The following APP variants were observed in gnomAD, a reference collection of about 807,000 sequenced individuals.
APP encodes the protein amyloid-beta precursor protein.
A neutral mutation model predicts 101.4 loss-of-function variants in APP; 31 were observed. That is an observed-to-expected ratio of 0.31 (90% CI 0.23 to 0.41). The LOEUF (loss-of-function observed/expected upper bound fraction) is 0.41. Among genes scored for constraint, APP ranks in the 10% least tolerant of loss-of-function variants. APP has a pLI of 1.00. For synonymous variants in APP, 366 were observed against 364.4 expected (o/e 1.00, Z -0.05); for missense variants, 839 against 1,003.7 (o/e 0.84, Z 2.22).
chr21:25,951,695 T>A (rs1361352757), intron 13 of APP, among the ~76,000 whole-genome samples: 1 of 152,034 alleles, frequency 6.6e-6, no homozygotes, highest in African/African-American at 2.4e-5. Flanking sequence ...GGAAAAAAAA[T>A]CTATGAAGAA....
intron 3 of APP, among the ~76,000 whole-genome samples, chr21:26,071,559 T>A (rs914273445): frequency 6.6e-6 from 1 of 152,182 alleles, no homozygotes; most frequent in Non-Finnish European, 1.5e-5. Flanking sequence ...TTAGAGGGGG[T>A]TAACCCTTAT....
At chr21:26,002,253 G>A (rs963921031) in intron 6 of APP, among the ~76,000 whole-genome samples, 1 of 152,232 alleles carries the variant, frequency 6.6e-6, no homozygotes, top group Admixed American at 6.5e-5. Context: ...GCTTAGTGCT[G>A]ACTGTCCCTC....
chr21:26,073,367 C>A (rs1008337257), intron 3 of APP, among the ~76,000 whole-genome samples: 3 of 152,078 alleles, frequency 2.0e-5, no homozygotes, highest in African/African-American at 7.2e-5. Context: ...AGAATGCACC[C>A]ATCAACCGAT....
intron 2 of APP, among the ~76,000 whole-genome samples, chr21:26,094,074 C>T (rs540735379): frequency 2.6e-5 from 4 of 151,120 alleles, no homozygotes; most frequent in Non-Finnish European, 5.9e-5. Context: ...TGAGATCACA[C>T]CACTGCACTC....
intron 1 of APP, among the ~76,000 whole-genome samples, chr21:26,125,500 G>A (rs949666844): frequency 1.3e-5 from 2 of 152,176 alleles, no homozygotes; most frequent in Non-Finnish European, 2.9e-5. Flanking sequence ...AGCACCAGGA[G>A]TAACAGGAGG....
rs370024321 is a variant in APP at position 25,946,858 on chromosome 21, G to A, written c.1687+7732C>T. On this transcript the variant is annotated intron_variant, in intron 13 of 17. Transcript: ENST00000346798. ...TTTAATTCCTCAAATTTCTGCCAGCGTCCATTTGGAGCACAATAAACAAGA... is the reference window on the plus strand; with the variant it reads ...TTTAATTCCTCAAATTTCTGCCAGCATCCATTTGGAGCACAATAAACAAGA... Among the ~76,000 whole-genome samples, 4 of 152,128 alleles carry A rather than the reference G, an allele frequency of 2.6e-5. No homozygotes were observed. In the East Asian group the frequency reaches 5.8e-4, roughly 22 times the overall value.
At chr21:26,031,073 G>A (rs1211501025) in intron 5 of APP, among the ~76,000 whole-genome samples, 1 of 152,160 alleles carries the variant, frequency 6.6e-6, no homozygotes, top group Non-Finnish European at 1.5e-5. Flanking sequence ...GCAAAGCTAG[G>A]GGTGGGCTGG....
At chr21:26,053,676 G>T (rs2045926596) in intron 3 of APP, among the ~76,000 whole-genome samples, 1 of 152,164 alleles carries the variant, frequency 6.6e-6, no homozygotes, top group African/African-American at 2.4e-5. Flanking sequence ...TACAACAGGG[G>T]AGTAAAATAT....
intron 1 of APP, among the ~76,000 whole-genome samples, chr21:26,129,742 C>T (rs1250028879): frequency 1.3e-5 from 2 of 152,088 alleles, no homozygotes; most frequent in African/African-American, 4.8e-5. Context: ...AGCCCACACC[C>T]GAGGGGAGAA....
rs201724975 is a variant in APP at position 25,891,863 on chromosome 21, G to T, written c.2070C>A (p.Phe690Leu). The T allele has an allele frequency of 1.9e-6, 3 of 1,613,666 alleles. No individual in the cohort carries two copies. The highest frequency in any genetic ancestry group is 2.5e-6 in the Non-Finnish European group (3 of 1,179,820). ...TGTTTGAACCCACATCTTCTGCAAA[G>T]AACACCTTGAAAACAAATTAAGAAA... is the stretch of plus-strand genomic sequence containing the variant. The part of the protein sequence containing the change: ...GYEVHHQKLV[F>L]FAEDVGSNKG... Residue 690 changes from phenylalanine (F) to leucine (L), a missense_variant, in exon 17 of 18, where the codon TTC (phenylalanine) becomes TTA (leucine). Phe to Leu is a conservative substitution (Grantham distance 22). Transcript: ENST00000346798.
At chr21:26,136,265 C>T (rs185208108) in intron 1 of APP, among the ~76,000 whole-genome samples, 6 of 152,144 alleles carry the variant, frequency 3.9e-5, no homozygotes, top group African/African-American at 7.2e-5. Flanking sequence ...TCACTCTGCA[C>T]GCCACTGCCT....
rs199981217 is a variant in APP, at chr21:25,997,326, C to A, written c.1090+34G>T. Reference sequence around the variant, plus strand: ...TGTGAACCAAGCAGCATCCTCCTCCCCTCTTCCCTTCCCTCAGGTGAATGA... The same window carrying A: ...TGTGAACCAAGCAGCATCCTCCTCCACTCTTCCCTTCCCTCAGGTGAATGA... On this transcript the variant is annotated intron_variant, in intron 8 of 17. Coordinates refer to ENST00000346798, the MANE Select transcript of APP (RefSeq NM_000484.4). 111 of 1,600,114 alleles carry A rather than the reference C, an allele frequency of 6.9e-5. No homozygotes were observed. In the South Asian group the frequency reaches 1.1e-3, roughly 15 times the overall value.
Position 25,918,745 on chromosome 21 carries a change from C to T in APP, c.1688-6783G>A, listed in dbSNP as rs1020898601. On this transcript the variant is annotated intron_variant, in intron 13 of 17. Transcript: ENST00000346798. ...GGAGGGTCCTACGCCCACGGAATCG[C>T]GCTGATTGCTAGCACAGCAGTCTGA... is the stretch of plus-strand genomic sequence containing the variant. 7.9e-5 allele frequency among the ~76,000 whole-genome samples: 12 copies of T among 151,230 alleles called. No individual in the cohort carries two copies. In the South Asian group the frequency reaches 1.5e-3, roughly 19 times the overall value.
chr21:26,130,641 T>C (rs1334254851), intron 1 of APP, among the ~76,000 whole-genome samples: 2 of 152,256 alleles, frequency 1.3e-5, no homozygotes, highest in Non-Finnish European at 2.9e-5. Context: ...AGGCATTCTA[T>C]AATGTTAAAA....
intron 6 of APP, among the ~76,000 whole-genome samples, chr21:26,012,487 T>G (rs2043852765): frequency 6.6e-6 from 1 of 152,192 alleles, no homozygotes; most frequent in South Asian, 2.1e-4. Context: ...AAGAGGTGGT[T>G]GGAAACCAAA....
chr21:25,911,825 C>G lies in APP; in HGVS notation c.1825G>C (p.Val609Leu). Residue 609 changes from valine to leucine, a missense_variant, in exon 14 of 18, where the codon GTG becomes CTG. Val to Leu is a conservative substitution (Grantham distance 32). Coordinates refer to ENST00000346798, the MANE Select transcript of APP (RefSeq NM_000484.4). ...TCGTCCAGGCTGAACTCTCCATTCA[C>G]GGGAAGGAGCTCCACGGTGGTTTTC... ...ETKTTVELLP[V>L]NGEFSLDDLQ... 1 of 1,614,168 alleles carries G rather than the reference C, an allele frequency of 6.2e-7. No homozygotes were observed.
At chr21:26,055,363 T>A (rs887214098) in intron 3 of APP, among the ~76,000 whole-genome samples, 2 of 152,034 alleles carry the variant, frequency 1.3e-5, no homozygotes, top group Non-Finnish European at 2.9e-5. Flanking sequence ...AGGAAAGAAA[T>A]AACATGATAA....
At chr21:26,000,635 C>T (rs1465726797) in intron 6 of APP, among the ~76,000 whole-genome samples, 1 of 152,184 alleles carries the variant, frequency 6.6e-6, no homozygotes, top group Non-Finnish European at 1.5e-5. Flanking sequence ...ATTGCCTTAA[C>T]TCAAATATAA....
chr21:26,110,670 T>C (rs1387124647), intron 2 of APP, among the ~76,000 whole-genome samples: 1 of 151,972 alleles, frequency 6.6e-6, no homozygotes, highest in Non-Finnish European at 1.5e-5. Context: ...ATTAAACCTT[T>C]TAATAATAAT....
Sources: gnomAD v4.1 joint callset for allele counts (sites outside exome capture counted in the v4.1 genomes callset) on GRCh38, gnomAD v4.1.1 for gene constraint, MANE v1.5 for transcripts, NCBI Gene and HGNC (gene_info 2026-07-23, HGNC 2026-07-21) for gene names.